The following KCND2 variants were observed in gnomAD, a reference collection of about 807,000 sequenced individuals.
The protein encoded by KCND2 is potassium voltage-gated channel subfamily D member 2.
Under a neutral mutation model 54.4 loss-of-function variants are expected in KCND2, and 16 were observed. The observed-to-expected ratio is 0.29, with a 90% CI of 0.20 to 0.45. The LOEUF (loss-of-function observed/expected upper bound fraction) is 0.45, where lower values mean the gene tolerates loss of function less well. KCND2 is among the 20% of genes least tolerant of loss of function. KCND2 has a pLI of 1.00. For synonymous variants in KCND2, 317 were observed against 310.7 expected (o/e 1.02, Z -0.21); for missense variants, 486 against 824.2 (o/e 0.59, Z 5.02).
intron 1 of KCND2, among the ~76,000 whole-genome samples, chr7:120,527,780 C>G (rs1364716915): frequency 6.6e-6 from 1 of 151,932 alleles, no homozygotes; most frequent in African/African-American, 2.4e-5. Flanking sequence ...CCTCACTCTT[C>G]CCAAATTCCT....
At chr7:120,468,900 G>T (rs1057144032) in intron 1 of KCND2, among the ~76,000 whole-genome samples, 4 of 152,084 alleles carry the variant, frequency 2.6e-5, no homozygotes, top group African/African-American at 9.7e-5. Flanking sequence ...TGCAAGCAGG[G>T]ATACTGCTGA....
chr7:120,446,744 C>A (rs1450932809), intron 1 of KCND2, among the ~76,000 whole-genome samples: 1 of 152,156 alleles, frequency 6.6e-6, no homozygotes, highest in Non-Finnish European at 1.5e-5. Context: ...ACTCAAGTTT[C>A]TCTTGTTATA....
chr7:120,287,858 T>C (rs145918542), intron 1 of KCND2, among the ~76,000 whole-genome samples: 47 of 152,144 alleles, frequency 3.1e-4, no homozygotes, highest in Non-Finnish European at 5.6e-4. Flanking sequence ...CAACAGAACA[T>C]TTAAAACTAT....
At chr7:120,410,644 C>T (rs950029436) in intron 1 of KCND2, among the ~76,000 whole-genome samples, 5 of 151,230 alleles carry the variant, frequency 3.3e-5, no homozygotes, top group African/African-American at 1.2e-4. Context: ...TGTACTGCAC[C>T]CATTAACTCA....
intron 1 of KCND2, among the ~76,000 whole-genome samples, chr7:120,595,051 A>G: frequency 6.6e-6 from 1 of 151,014 alleles, no homozygotes; most frequent in African/African-American, 2.4e-5. Flanking sequence ...AGAGAGAGAG[A>G]ATGGAAATCG....
intron 3 of KCND2, 83 bp from the exon 4 acceptor site, chr7:120,742,427 A>T: frequency 1.9e-6 from 2 of 1,072,388 alleles, no homozygotes; most frequent in Middle Eastern, 2.0e-4. Context: ...AATAGAGCAG[A>T]TCTCTCTGTG....
intron 1 of KCND2, among the ~76,000 whole-genome samples, chr7:120,554,075 G>T (rs971194192): frequency 2.6e-5 from 4 of 152,154 alleles, no homozygotes; most frequent in African/African-American, 7.2e-5. Flanking sequence ...TCCCATTAGG[G>T]TTAACCTATT....
chr7:120,582,559 C>T (rs372245805), intron 1 of KCND2, among the ~76,000 whole-genome samples: 1 of 152,090 alleles, frequency 6.6e-6, no homozygotes, highest in Non-Finnish European at 1.5e-5. Context: ...AATTTGTCTG[C>T]TGCAAGGCCT....
At chr7:120,618,830 A>AT (rs1793061423) in intron 1 of KCND2, among the ~76,000 whole-genome samples, 1 of 152,040 alleles carries the variant, frequency 6.6e-6, no homozygotes, top group Admixed American at 6.6e-5. Context: ...AGATTTTTAA[A>AT]TTTTTTTCAA....
intron 1 of KCND2, among the ~76,000 whole-genome samples, chr7:120,580,730 A>G (rs1379850602): frequency 1.3e-5 from 2 of 152,130 alleles, no homozygotes; most frequent in Non-Finnish European, 2.9e-5. Flanking sequence ...TTACTATCTT[A>G]TACTTTCTGC....
intron 1 of KCND2, among the ~76,000 whole-genome samples, chr7:120,645,015 T>G (rs1793421115): frequency 6.6e-6 from 1 of 152,196 alleles, no homozygotes; most frequent in African/African-American, 2.4e-5. Context: ...ATATCTGCCT[T>G]TAATGTCTCT....
intron 1 of KCND2, among the ~76,000 whole-genome samples, chr7:120,305,551 A>G (rs1030633194): frequency 6.6e-6 from 1 of 152,142 alleles, no homozygotes; most frequent in Non-Finnish European, 1.5e-5. Context: ...ATTCTCAAAC[A>G]CATCTTTTAA....
intron 1 of KCND2, among the ~76,000 whole-genome samples, chr7:120,280,167 C>T (rs926989777): frequency 1.3e-5 from 2 of 151,916 alleles, no homozygotes; most frequent in African/African-American, 4.8e-5. Flanking sequence ...GTGTAAAGTT[C>T]TTTATAGAAA....
intron 1 of KCND2, among the ~76,000 whole-genome samples, chr7:120,579,233 A>G (rs1250352688): frequency 6.6e-6 from 1 of 152,120 alleles, no homozygotes; most frequent in Non-Finnish European, 1.5e-5. Flanking sequence ...CAATAAAATA[A>G]AAATAAAAGT....
intron 1 of KCND2, among the ~76,000 whole-genome samples, chr7:120,417,318 T>G (rs1485231105): frequency 1.3e-5 from 2 of 152,184 alleles, no homozygotes; most frequent in African/African-American, 4.8e-5. Context: ...CAAAGAGACT[T>G]ATACAGAATC....
At chr7:120,307,301 C>G (rs1799662246) in intron 1 of KCND2, among the ~76,000 whole-genome samples, 1 of 151,870 alleles carries the variant, frequency 6.6e-6, no homozygotes, top group Admixed American at 6.6e-5. Flanking sequence ...GGGGAATTTT[C>G]AGCATAAAGT....
intron 1 of KCND2, among the ~76,000 whole-genome samples, chr7:120,584,433 T>C (rs1035795491): frequency 2.0e-5 from 3 of 152,228 alleles, no homozygotes; most frequent in Non-Finnish European, 4.4e-5. Flanking sequence ...CCAAACTGAC[T>C]GTCTTCACAG....
intron 1 of KCND2, among the ~76,000 whole-genome samples, chr7:120,648,083 G>T (rs1793464252): frequency 6.6e-6 from 1 of 152,050 alleles, no homozygotes; most frequent in African/African-American, 2.4e-5. Context: ...GATAAAAATA[G>T]GTTTTTCTGT....
At chr7:120,676,916 T>A (rs1381981062) in intron 1 of KCND2, among the ~76,000 whole-genome samples, 1 of 152,234 alleles carries the variant, frequency 6.6e-6, no homozygotes, top group Non-Finnish European at 1.5e-5. Context: ...AAAGGACTTA[T>A]CTGAAGTGAT....
Sources: allele counts gnomAD v4.1 joint callset (sites outside exome capture counted in the v4.1 genomes callset), GRCh38; gene constraint gnomAD v4.1.1; transcripts MANE v1.5; gene names NCBI Gene and HGNC (gene_info 2026-07-23, HGNC 2026-07-21).